Variants in CRTAC1 observed in about 807,000 individuals in gnomAD.
CRTAC1 encodes the protein acidic secreted protein in cartilage.
A neutral mutation model predicts 67.8 loss-of-function variants in CRTAC1; 37 were observed. That is an observed-to-expected ratio of 0.55 (90% CI 0.42 to 0.72). CRTAC1 has a LOEUF of 0.72. Among genes scored for constraint, CRTAC1 ranks in the 30% least tolerant of loss-of-function variants. The pLI is 0.00. For synonymous variants in CRTAC1, 348 were observed against 371.0 expected, an observed-to-expected ratio of 0.94 and a Z score of 0.71; for missense variants, 780 against 931.6, an observed-to-expected ratio of 0.84 and a Z score of 2.12.
intron 2 of CRTAC1, among the ~76,000 whole-genome samples, chr10:97,966,358 C>T (rs1564915443): frequency 2.0e-5 from 3 of 152,254 alleles, no homozygotes; most frequent in South Asian, 2.1e-4. Flanking sequence ...GGTCTGCCCC[C>T]CTCAGCCTCC....
At chr10:97,882,874 C>T (rs1235413886) in intron 12 of CRTAC1, 46 bp from the exon 13 acceptor site, 1 of 1,598,316 alleles carries the variant, frequency 6.3e-7, no homozygotes, top group Non-Finnish European at 8.6e-7. Context: ...TGAGAAGGTC[C>T]CATCCCAGGT....
intron 2 of CRTAC1, among the ~76,000 whole-genome samples, chr10:97,973,579 T>C (rs1455016561): frequency 6.6e-6 from 1 of 152,140 alleles, no homozygotes; most frequent in African/African-American, 2.4e-5. Context: ...CTGAAACTTT[T>C]CTCCTAGAGC....
In CRTAC1 at chr10:97,932,938, T is replaced by C. The variant is rs144209713; in HGVS notation, c.421+3232A>G. On this transcript the variant is annotated intron_variant, in intron 3 of 14. Coordinates refer to ENST00000370597, the MANE Select transcript of CRTAC1 (RefSeq NM_018058.7). ...TGACTCCCACAGGATGTTGTTGGGA[T>C]GCAGGGTGCTTGCCCTCTTCCAGGA... Among the ~76,000 whole-genome samples, 184 of 152,344 alleles carry C rather than the reference T, an allele frequency of 1.2e-3. 1 individual carries two copies. Among genetic ancestry groups the C allele is most frequent in the African/African-American group, 4.3e-3 (177 of 41,574 alleles).
In CRTAC1 at chr10:97,895,386, C is replaced by T; in HGVS notation, c.1345G>A (p.Val449Met). The change falls in exon 11 of 15, where the codon GTG (valine) becomes ATG (methionine). Residue 449 changes from valine to methionine, a missense_variant. By Grantham distance (21) the Val-to-Met change is conservative. Coordinates refer to ENST00000370597, the MANE Select transcript of CRTAC1 (RefSeq NM_018058.7). This position sits in a 1 kb window ranked among gnomAD's most constrained non-coding sequence, Gnocchi z 4.2. The stretch of plus-strand genomic sequence containing the variant: ...AAGGCCCCAAACCGGGTGCGTGGCA[C>T]CACTCGCAGCCAGTTGTTGTTGAAG... ...QGFNNNWLRV[V>M]PRTRFGAFAR... is the part of the protein sequence containing the mutation. 6.2e-7 allele frequency: 1 copy of T among 1,609,324 alleles called. No homozygotes were observed. The highest frequency in any genetic ancestry group is 8.5e-7 in the Non-Finnish European group (1 of 1,177,986).
At chr10:97,873,016 T>A (rs2050109733) in intron 14 of CRTAC1, among the ~76,000 whole-genome samples, 1 of 152,178 alleles carries the variant, frequency 6.6e-6, no homozygotes, top group Non-Finnish European at 1.5e-5. Flanking sequence ...TTTATGACAA[T>A]ATCTGCATTT....
At chr10:97,967,842 A>G (rs2051643821) in intron 2 of CRTAC1, among the ~76,000 whole-genome samples, 1 of 152,270 alleles carries the variant, frequency 6.6e-6, no homozygotes, top group South Asian at 2.1e-4. Context: ...ATTTAACTAT[A>G]CTCAAGGTCC....
At chr10:97,998,537 G>T (rs1842628508) in intron 2 of CRTAC1, among the ~76,000 whole-genome samples, 1 of 152,084 alleles carries the variant, frequency 6.6e-6, no homozygotes. Context: ...TTGAAATTGT[G>T]CATACAGAAA....
rs1843356473 is a variant in CRTAC1 at position 98,030,570 on chromosome 10, T to TC, written c.-99dup. The TC allele has an allele frequency of 1.2e-6, 1 of 868,538 alleles. No individual in the cohort carries two copies. The highest frequency in any genetic ancestry group is 1.8e-5 in the African/African-American group (1 of 57,016). The allele number at this position is 868,538 out of a possible 1,614,324, so 53.8% of individuals were successfully genotyped here. A position where few individuals can be genotyped will look rare whatever the true frequency, so the allele number is the denominator to read the frequency against. On this transcript the variant is annotated 5_prime_UTR_variant, in exon 1 of 15. Coordinates refer to ENST00000370597, the MANE Select transcript of CRTAC1 (RefSeq NM_018058.7). This position sits in a 1 kb window ranked among gnomAD's most constrained non-coding sequence, Gnocchi z 4.2. Reference sequence around the variant, plus strand: ...GCCGCCTGCTTGCTCCCAGCCCCGGTCCCGGGCTGGCCTCGAGCCTCCCGC... The same window carrying TC: ...GCCGCCTGCTTGCTCCCAGCCCCGGTCCCCGGGCTGGCCTCGAGCCTCCCGC...
chr10:97,867,418 G>T, intron 14 of CRTAC1: 1 of 152,420 alleles, frequency 6.6e-6, no homozygotes, highest in Non-Finnish European at 1.5e-5. Flanking sequence ...TAGCTCTCTG[G>T]AGTCAAAGAG....
intron 5 of CRTAC1, among the ~76,000 whole-genome samples, chr10:97,914,449 C>A (rs935063941): frequency 6.6e-6 from 1 of 152,330 alleles, no homozygotes; most frequent in African/African-American, 2.4e-5. Flanking sequence ...CGCCTCCTTT[C>A]GTTCTCACAA....
chr10:97,882,477 G>A (rs1285986081), intron 13 of CRTAC1, among the ~76,000 whole-genome samples: 1 of 152,190 alleles, frequency 6.6e-6, no homozygotes, highest in Non-Finnish European at 1.5e-5. Context: ...ATGGCATGTG[G>A]CTATTCCCCC....
At chr10:97,964,558 G>A (rs1478948707) in intron 2 of CRTAC1, among the ~76,000 whole-genome samples, 3 of 152,208 alleles carry the variant, frequency 2.0e-5, no homozygotes, top group African/African-American at 7.2e-5. Flanking sequence ...CTGTTGGCAC[G>A]TAAGAAACAA....
chr10:97,872,780 C>T (rs903313748), intron 14 of CRTAC1, among the ~76,000 whole-genome samples: 2 of 152,158 alleles, frequency 1.3e-5, no homozygotes, highest in Non-Finnish European at 2.9e-5. Flanking sequence ...CGCCCCTGGG[C>T]TCCCCAGTGC....
At chr10:98,019,373 G>A (rs191065306) in intron 1 of CRTAC1, among the ~76,000 whole-genome samples, 88 of 152,258 alleles carry the variant, frequency 5.8e-4, no homozygotes, top group Admixed American at 1.4e-3. Flanking sequence ...CGGCGATTTT[G>A]CTGCCCTCTG....
At chr10:97,889,117 G>A (rs2050326731) in intron 11 of CRTAC1, among the ~76,000 whole-genome samples, 1 of 149,390 alleles carries the variant, frequency 6.7e-6, no homozygotes, top group African/African-American at 2.5e-5. Context: ...AGGGGCAGTG[G>A]AGGCGGGAGG....
At chr10:97,905,722 A>T (rs1310257579) in intron 6 of CRTAC1, among the ~76,000 whole-genome samples, 2 of 152,246 alleles carry the variant, frequency 1.3e-5, no homozygotes, top group Non-Finnish European at 2.9e-5. Flanking sequence ...CATAAATAAC[A>T]TGACAGAAGG....
chr10:97,959,821 C>T (rs1040514124), intron 2 of CRTAC1, among the ~76,000 whole-genome samples: 1 of 152,212 alleles, frequency 6.6e-6, no homozygotes. Context: ...CAGGTGCCTT[C>T]CCTATTGAGG....
intron 5 of CRTAC1, among the ~76,000 whole-genome samples, chr10:97,913,135 AGT>A (rs1255801677): frequency 4.0e-5 from 6 of 150,984 alleles, no homozygotes; most frequent in Middle Eastern, 3.4e-3. Context: ...AGAGAGAGAG[AGT>A]GTGTGTGTGT....
chr10:98,017,520 G>GT lies in CRTAC1; in HGVS notation c.25-6184dup, dbSNP rs550873466. On this transcript the variant is annotated intron_variant, in intron 1 of 14. Coordinates refer to ENST00000370597, the MANE Select transcript of CRTAC1 (RefSeq NM_018058.7). ...TGTGTTTCAAGCTGTGAGAAGAATT[G>GT]TTTTTTAATAATAATTTCTTTTCTG... Among the ~76,000 whole-genome samples the GT allele has an allele frequency of 1.5e-3, 232 of 152,168 alleles. 1 individual carries two copies. Among genetic ancestry groups the GT allele is most frequent in the African/African-American group, 5.4e-3 (226 of 41,512 alleles).
Sources: allele counts gnomAD v4.1 joint callset (sites outside exome capture counted in the v4.1 genomes callset), GRCh38; gene constraint gnomAD v4.1.1; non-coding constraint Gnocchi (gnomAD v3.1); transcripts MANE v1.5; gene names NCBI Gene and HGNC (gene_info 2026-07-23, HGNC 2026-07-21).